The following DGKB variants were observed in gnomAD, a reference collection of about 807,000 sequenced individuals.
DGKB encodes 90 kDa diacylglycerol kinase.
A neutral mutation model predicts 114.3 loss-of-function variants in DGKB; 67 were observed. That is an observed-to-expected ratio of 0.59 (90% confidence interval 0.48 to 0.72). DGKB has a LOEUF of 0.72. Among genes scored for constraint, DGKB ranks in the 30% least tolerant of loss-of-function variants. DGKB has a pLI of 0.00. For synonymous variants in DGKB, 398 were observed against 323.1 expected (o/e 1.23, Z -2.49); for missense variants, 907 against 975.2 (o/e 0.93, Z 0.93).
intron 21 of DGKB, among the ~76,000 whole-genome samples, chr7:14,446,435 C>A (rs1444828063): frequency 1.3e-5 from 2 of 152,178 alleles, no homozygotes; most frequent in South Asian, 4.1e-4. Context: ...AGCAGTTAAA[C>A]AGAAATTCAC....
intron 1 of DGKB, among the ~76,000 whole-genome samples, chr7:14,897,087 A>T (rs1185777485): frequency 6.6e-6 from 1 of 151,816 alleles, no homozygotes; most frequent in African/African-American, 2.4e-5. Context: ...CCTTCCCCTG[A>T]TTATTTGATA....
At chr7:14,394,986 G>T (rs1274042349) in intron 21 of DGKB, among the ~76,000 whole-genome samples, 1 of 152,036 alleles carries the variant, frequency 6.6e-6, no homozygotes, top group East Asian at 1.9e-4. Context: ...AATGAACTAC[G>T]ACCTCTGAGA....
chr7:14,587,794 A>C (rs1206369978), intron 17 of DGKB, among the ~76,000 whole-genome samples: 2 of 152,152 alleles, frequency 1.3e-5, no homozygotes, highest in East Asian at 1.9e-4. Context: ...TTTCGCAATG[A>C]ATTATTTTTA....
chr7:14,446,429 G>A (rs1830735990), intron 21 of DGKB, among the ~76,000 whole-genome samples: 1 of 152,074 alleles, frequency 6.6e-6, no homozygotes, highest in South Asian at 2.1e-4. Context: ...GCAAAGAGCA[G>A]TTAAACAGAA....
intron 13 of DGKB, among the ~76,000 whole-genome samples, chr7:14,647,694 G>A (rs764967182): frequency 6.4e-4 from 98 of 152,304 alleles, no homozygotes; most frequent in Non-Finnish European, 1.2e-3. Flanking sequence ...CATGAACGAC[G>A]CAGAAGACGG....
intron 23 of DGKB, among the ~76,000 whole-genome samples, chr7:14,234,024 A>G (rs1346219863): frequency 6.6e-6 from 1 of 152,066 alleles, no homozygotes; most frequent in Non-Finnish European, 1.5e-5. Flanking sequence ...AAGGCATGGT[A>G]TCTTTGTGGT....
chr7:14,279,039 C>A (rs550576732), intron 23 of DGKB, among the ~76,000 whole-genome samples: 1 of 152,212 alleles, frequency 6.6e-6, no homozygotes, highest in Non-Finnish European at 1.5e-5. Flanking sequence ...GTGAGCGAGC[C>A]GAAGCAGGGC....
intron 1 of DGKB, among the ~76,000 whole-genome samples, chr7:14,972,801 G>C (rs192753409): frequency 6.6e-6 from 1 of 152,102 alleles, no homozygotes; most frequent in Admixed American, 6.6e-5. Context: ...TGTAGTTATA[G>C]CGAAATATAT....
At chr7:14,440,669 C>G (rs1263048496) in intron 21 of DGKB, among the ~76,000 whole-genome samples, 6 of 152,078 alleles carry the variant, frequency 3.9e-5, no homozygotes, top group Non-Finnish European at 7.4e-5. Context: ...GTAGGTGGCT[C>G]CAATAAATTT....
At chr7:14,837,746 G>A (rs1847354170) in intron 2 of DGKB, among the ~76,000 whole-genome samples, 1 of 152,094 alleles carries the variant, frequency 6.6e-6, no homozygotes, top group Non-Finnish European at 1.5e-5. Context: ...TGAACAGCAT[G>A]AAAAATGAAT....
At chr7:14,768,038 C>A (rs1836730912) in intron 2 of DGKB, among the ~76,000 whole-genome samples, 1 of 151,904 alleles carries the variant, frequency 6.6e-6, no homozygotes. Flanking sequence ...CCAACAAACA[C>A]AATATTAGGC....
chr7:14,700,804 T>C (rs1402252992), intron 7 of DGKB, among the ~76,000 whole-genome samples: 1 of 152,164 alleles, frequency 6.6e-6, no homozygotes, highest in Non-Finnish European at 1.5e-5. Flanking sequence ...TATCAAAACA[T>C]TTGTTTTTAA....
chr7:14,554,022 G>A (rs1465936944), intron 20 of DGKB, among the ~76,000 whole-genome samples: 5 of 151,782 alleles, frequency 3.3e-5, no homozygotes, highest in Admixed American at 6.6e-5. Flanking sequence ...ACAGGCAACC[G>A]TCACCACGCC....
chr7:14,765,952 G>A, intron 2 of DGKB, among the ~76,000 whole-genome samples: 1 of 151,864 alleles, frequency 6.6e-6, no homozygotes, highest in East Asian at 1.9e-4. Flanking sequence ...ACAATTTCAA[G>A]CCTCCCACAT....
intron 15 of DGKB, 82 bp from the exon 16 acceptor site, chr7:14,613,495 A>G: frequency 1.3e-6 from 1 of 742,862 alleles, no homozygotes. Context: ...TAAATTATAA[A>G]ATACCAATAC....
At chr7:14,664,311 T>C (rs1173104997) in intron 13 of DGKB, among the ~76,000 whole-genome samples, 1 of 152,042 alleles carries the variant, frequency 6.6e-6, no homozygotes, top group African/African-American at 2.4e-5. Flanking sequence ...ATTTTCTTTC[T>C]CTGTTGGTGT....
At chr7:14,318,455 C>T (rs1807060294) in intron 23 of DGKB, among the ~76,000 whole-genome samples, 1 of 152,148 alleles carries the variant, frequency 6.6e-6, no homozygotes, top group Non-Finnish European at 1.5e-5. Context: ...AAACAAACAA[C>T]CCCATCGAAA....
rs758821771 is a variant in DGKB, at chr7:14,432,423, CAT to C, written c.1835+45736_1835+45737del. On this transcript the variant is annotated intron_variant, in intron 21 of 25. Transcript: ENST00000402815. Reference sequence around the variant, plus strand: ...CATCCATGTCTGTAGCACTTTTCCACATGTCTTTATTCTTTCAGGATATACTC... The same window carrying C: ...CATCCATGTCTGTAGCACTTTTCCACGTCTTTATTCTTTCAGGATATACTC... Among the ~76,000 whole-genome samples the C allele has an allele frequency of 8.5e-5, 13 of 152,278 alleles. No individual in the cohort carries two copies. In the East Asian group the frequency reaches 9.7e-4, roughly 11 times the overall value.
At chr7:14,812,272 T>G (rs1352872514) in intron 2 of DGKB, among the ~76,000 whole-genome samples, 1 of 152,190 alleles carries the variant, frequency 6.6e-6, no homozygotes, top group Non-Finnish European at 1.5e-5. Context: ...TCTGTTTGAG[T>G]CATGGGCTTT....
Sources: gnomAD v4.1 joint callset for allele counts (sites outside exome capture counted in the v4.1 genomes callset) on GRCh38, gnomAD v4.1.1 for gene constraint, MANE v1.5 for transcripts, NCBI Gene and HGNC (gene_info 2026-07-23, HGNC 2026-07-21) for gene names.